TRIM5: variants seen among roughly 807,000 people sequenced by gnomAD.
The protein encoded by TRIM5 is tripartite motif containing 5.
A neutral mutation model predicts 35.6 loss-of-function variants in TRIM5; 31 were observed. The observed-to-expected ratio is 0.87, with a 90% CI of 0.65 to 1.18. The LOEUF (loss-of-function observed/expected upper bound fraction) is 1.18. Ranked by LOEUF, TRIM5 falls within the 50% of genes most tolerant of loss-of-function variation. The pLI, the probability that TRIM5 is intolerant of heterozygous loss-of-function variation, is 0.00. For synonymous variants in TRIM5, 243 were observed against 215.6 expected, an observed-to-expected ratio of 1.13 and a Z score of -1.11; for missense variants, 609 against 591.6, an observed-to-expected ratio of 1.03 and a Z score of -0.31.
the TRIM5 span, among the ~76,000 whole-genome samples, chr11:5,602,626 C>A: frequency 1.8e-4 from 28 of 151,742 alleles, no homozygotes; most frequent in African/African-American, 6.5e-4. Flanking sequence ...GTTTTAGGTG[C>A]TTTTAACATT....
At position 5,665,462 on chromosome 11, in the gene TRIM5, T is replaced by C. The variant is rs753702516; in HGVS notation, c.896-67A>G. On this transcript the variant is annotated intron_variant, in intron 7 of 7. Coordinates refer to ENST00000380034, the MANE Select transcript of TRIM5 (RefSeq NM_033034.3). ...CTTTATTTGTGATATGAGAGAAATCTTGATAAAGACTTGAGAGAAAACTGG... is the reference window on the plus strand; with the variant it reads ...CTTTATTTGTGATATGAGAGAAATCCTGATAAAGACTTGAGAGAAAACTGG... 2.6e-6 allele frequency: 4 copies of C among 1,543,686 alleles called. No homozygotes were observed. The African/African-American group carries it at 4.2e-5, about 16-fold the overall frequency.
the TRIM5 span, among the ~76,000 whole-genome samples, chr11:5,633,562 C>T: frequency 6.6e-6 from 1 of 152,146 alleles, no homozygotes; most frequent in Non-Finnish European, 1.5e-5. Flanking sequence ...AGGGTAAATA[C>T]TTACTCTAAG....
chr11:5,617,584 G>GTT, the TRIM5 span, among the ~76,000 whole-genome samples: 1 of 139,514 alleles, frequency 7.2e-6, no homozygotes, highest in East Asian at 2.3e-4. Flanking sequence ...CGCCTCCCAG[G>GTT]TTCAAGCGAT....
chr11:5,605,669 G>A, the TRIM5 span: 549,085 of 1,386,106 alleles, frequency 0.4, 110,752 homozygotes, highest in South Asian at 0.52. Context: ...AGGGACAAGA[G>A]AAAACATTCC....
chr11:5,653,295 C>A, the TRIM5 span, among the ~76,000 whole-genome samples: 1 of 151,976 alleles, frequency 6.6e-6, no homozygotes, highest in Non-Finnish European at 1.5e-5. Flanking sequence ...ATCTAATGTG[C>A]CTTGAAGAAG....
the TRIM5 span, chr11:5,642,894 G>A: frequency 4.3e-6 from 7 of 1,609,372 alleles, no homozygotes; most frequent in Non-Finnish European, 5.9e-6. Context: ...CCTTTCAGAA[G>A]TTTATGGTTT....
the TRIM5 span, among the ~76,000 whole-genome samples, chr11:5,641,011 C>T: frequency 6.6e-6 from 1 of 151,202 alleles, no homozygotes; most frequent in Non-Finnish European, 1.5e-5. Context: ...GATTTTTTTT[C>T]TTGGTGTGTC....
At chr11:5,624,028 G>C in the TRIM5 span, among the ~76,000 whole-genome samples, 1 of 152,150 alleles carries the variant, frequency 6.6e-6, no homozygotes, top group African/African-American at 2.4e-5. Flanking sequence ...CATGCTGTTT[G>C]TGGAGGCACA....
chr11:5,642,279 C>T, the TRIM5 span: 3 of 753,000 alleles, frequency 4.0e-6, no homozygotes, highest in Non-Finnish European at 4.2e-6. Context: ...CTCCCTTCTC[C>T]CCCTCCTCAG....
the TRIM5 span, among the ~76,000 whole-genome samples, chr11:5,627,197 C>T: frequency 9.2e-5 from 14 of 152,072 alleles, no homozygotes; most frequent in South Asian, 2.5e-3. Context: ...GCCTGGCCAA[C>T]ATGGTGAAAC....
the TRIM5 span, among the ~76,000 whole-genome samples, chr11:5,656,265 G>A: frequency 6.6e-6 from 1 of 151,768 alleles, no homozygotes; most frequent in Admixed American, 6.6e-5. Context: ...CCTGACAAAG[G>A]GCTAAAATCC....
At chr11:5,639,227 C>T in the TRIM5 span, among the ~76,000 whole-genome samples, 4 of 152,058 alleles carry the variant, frequency 2.6e-5, no homozygotes, top group East Asian at 1.9e-4. Context: ...GTTTAACTTA[C>T]GCATTCATCA....
chr11:5,608,864 T>C, the TRIM5 span, among the ~76,000 whole-genome samples: 1 of 147,380 alleles, frequency 6.8e-6, no homozygotes, highest in Non-Finnish European at 1.5e-5. Context: ...TTTTTTTTTT[T>C]TTTTGAGACA....
the TRIM5 span, among the ~76,000 whole-genome samples, chr11:5,630,491 G>C: frequency 6.6e-6 from 1 of 152,178 alleles, no homozygotes; most frequent in Non-Finnish European, 1.5e-5. Context: ...AGGCTCATGT[G>C]AGGCCAAGGC....
the TRIM5 span, among the ~76,000 whole-genome samples, chr11:5,597,179 G>T: frequency 2.6e-5 from 4 of 152,260 alleles, no homozygotes; most frequent in South Asian, 8.3e-4. Context: ...CTGTGTGCCC[G>T]AAGACTGTTA....
At position 5,667,165 on chromosome 11, in the gene TRIM5, A is replaced by G. The variant is rs57361682; in HGVS notation, c.767+524T>C. ...GTCTCCACCACCCAAATTTTCTACC[A>G]TAGAATCTGGTCTATTCCTTTTCTT... On this transcript the variant is annotated intron_variant, in intron 5 of 7. Transcript: ENST00000380034. Among the ~76,000 whole-genome samples, 1,025 of 152,192 alleles carry G rather than the reference A, an allele frequency of 6.7e-3. 22 individuals carry two copies. The highest frequency in any genetic ancestry group is 0.036 in the East Asian group (184 of 5,180).
At chr11:5,607,855 A>T in the TRIM5 span, among the ~76,000 whole-genome samples, 3 of 152,306 alleles carry the variant, frequency 2.0e-5, no homozygotes, top group Admixed American at 2.0e-4. Context: ...TCATAAGGAA[A>T]GGGGGCTGAG....
downstream of TRIM5, among the ~76,000 whole-genome samples, chr11:5,661,079 A>C (rs934628451): frequency 6.6e-5 from 9 of 136,298 alleles, no homozygotes; most frequent in Non-Finnish European, 1.2e-4. Context: ...AAAAAAAAAA[A>C]AAAAAAAAAA....
At chr11:5,599,383 A>ATTTATTTATT in the TRIM5 span, among the ~76,000 whole-genome samples, 32 of 146,936 alleles carry the variant, frequency 2.2e-4, no homozygotes, top group African/African-American at 4.5e-4. Context: ...TACAATTATT[A>ATTTATTTATT]TATTTATTTA....
Sources: allele counts gnomAD v4.1 joint callset (sites outside exome capture counted in the v4.1 genomes callset), GRCh38; gene constraint gnomAD v4.1.1; transcripts MANE v1.5; gene names NCBI Gene and HGNC (gene_info 2026-07-23, HGNC 2026-07-21).